EXOC5: variants seen among roughly 807,000 people sequenced by gnomAD.
The protein encoded by EXOC5 is SEC10-like 1.
A neutral mutation model predicts 90.8 loss-of-function variants in EXOC5; 17 were observed. That is an observed-to-expected ratio of 0.19 (90% confidence interval 0.13 to 0.28). The LOEUF (loss-of-function observed/expected upper bound fraction) is 0.28. Ranked by LOEUF, EXOC5 falls within the 10% of genes least tolerant of loss-of-function variation. The probability of loss-of-function intolerance (pLI) is 1.00; values close to 1 mark genes in which losing one functional copy is unlikely to be tolerated. For missense variants in EXOC5, 569 were observed against 830.6 expected, an observed-to-expected ratio of 0.69 and a Z score of 3.87; for synonymous variants, 260 against 270.0, an observed-to-expected ratio of 0.96 and a Z score of 0.36.
chr14:57,248,605 C>A (rs1173330103), intron 1 of EXOC5, among the ~76,000 whole-genome samples: 1 of 152,028 alleles, frequency 6.6e-6, no homozygotes, highest in African/African-American at 2.4e-5. Flanking sequence ...ACAGATAATA[C>A]ATTTTTTAGA....
intron 12 of EXOC5, among the ~76,000 whole-genome samples, chr14:57,229,270 A>C (rs1883404391): frequency 6.6e-6 from 1 of 152,218 alleles, no homozygotes; most frequent in Non-Finnish European, 1.5e-5. Context: ...TACAAAAAAT[A>C]GTTGTTCCTA....
intron 1 of EXOC5, among the ~76,000 whole-genome samples, chr14:57,266,648 G>T (rs1884675766): frequency 6.6e-6 from 1 of 151,110 alleles, no homozygotes; most frequent in Non-Finnish European, 1.5e-5. Context: ...AATCTTACTG[G>T]CTACCATGTA....
chr14:57,234,157 G>A, intron 7 of EXOC5, 125 bp from the exon 8 acceptor site: 1 of 646,122 alleles, frequency 1.5e-6, no homozygotes. Flanking sequence ...AGCAACACCT[G>A]TTGGACTTAA....
intron 1 of EXOC5, among the ~76,000 whole-genome samples, chr14:57,250,171 C>T (rs528580072): frequency 1.3e-5 from 2 of 152,104 alleles, no homozygotes; most frequent in South Asian, 2.1e-4. Context: ...AAGCCATCTG[C>T]GGGAGGTAGA....
chr14:57,208,599 A>G lies in EXOC5; in HGVS notation c.*10T>C, dbSNP rs1415233594. 1.3e-6 allele frequency: 2 copies of G among 1,584,856 alleles called. No individual in the cohort carries two copies. Among genetic ancestry groups the G allele is most frequent in the Non-Finnish European group, 1.7e-6 (2 of 1,157,716 alleles). Reference sequence around the variant, plus strand: ...AGGAACTGACACTGAATTCCTTTGTAAATTCAATCTCAGCTGAAGTGTCGA... The same window carrying G: ...AGGAACTGACACTGAATTCCTTTGTGAATTCAATCTCAGCTGAAGTGTCGA... On this transcript the variant is annotated 3_prime_UTR_variant, in exon 18 of 18. Transcript: ENST00000621441.
intron 12 of EXOC5, among the ~76,000 whole-genome samples, chr14:57,228,816 T>C (rs1022334774): frequency 6.9e-6 from 1 of 145,248 alleles, no homozygotes; most frequent in Non-Finnish European, 1.5e-5. Flanking sequence ...GTAACAAACC[T>C]GCATGCTCTG....
intron 5 of EXOC5, 94 bp downstream of exon 5, chr14:57,239,497 TTTAA>T (rs1052081962): frequency 5.4e-6 from 4 of 734,494 alleles, no homozygotes; most frequent in African/African-American, 1.8e-5. Flanking sequence ...TAAATTTCCG[TTTAA>T]TTAATGGGCA....
At chr14:57,238,010 A>C (rs987369632) in intron 5 of EXOC5, among the ~76,000 whole-genome samples, 3 of 152,008 alleles carry the variant, frequency 2.0e-5, no homozygotes, top group Non-Finnish European at 4.4e-5. Context: ...ATGAAAAAGA[A>C]ATATTTTAAG....
intron 12 of EXOC5, among the ~76,000 whole-genome samples, chr14:57,222,748 T>TACACAC (rs1160922472): frequency 2.0e-5 from 3 of 147,104 alleles, no homozygotes; most frequent in African/African-American, 7.7e-5. Context: ...CATATATATA[T>TACACAC]ACACACACAC....
Position 57,246,862 on chromosome 14 carries a change from A to G in EXOC5, c.123-4T>C. 6.5e-7 allele frequency: 1 copy of G among 1,548,934 alleles called. No homozygotes were observed. ...ATTTACAAATTCTTCTAATAATCTA[A>G]CAGAGGAAAGTTTGAATATGTATCA... On this transcript the variant is annotated splice_region_variant and splice_polypyrimidine_tract_variant and intron_variant, in intron 2 of 17. Coordinates refer to ENST00000621441, the MANE Select transcript of EXOC5 (RefSeq NM_006544.4).
chr14:57,227,959 C>T (rs1233166951), intron 12 of EXOC5, among the ~76,000 whole-genome samples: 135 of 151,264 alleles, frequency 8.9e-4, no homozygotes, highest in African/African-American at 3.1e-3. Flanking sequence ...CACACACACA[C>T]ACACACACAC....
At chr14:57,214,801 C>T (rs1192222114) in intron 15 of EXOC5, among the ~76,000 whole-genome samples, 1 of 152,044 alleles carries the variant, frequency 6.6e-6, no homozygotes, top group Non-Finnish European at 1.5e-5. Context: ...GATATAAGCA[C>T]AATAACTAAA....
chr14:57,253,508 T>A (rs1405301086), intron 1 of EXOC5, among the ~76,000 whole-genome samples: 1 of 152,186 alleles, frequency 6.6e-6, no homozygotes, highest in Admixed American at 6.5e-5. Flanking sequence ...AATATCCCAA[T>A]GACTTTGTTT....
chr14:57,249,781 AT>A (rs535121887), intron 1 of EXOC5, among the ~76,000 whole-genome samples: 34 of 152,034 alleles, frequency 2.2e-4, no homozygotes, highest in Admixed American at 1.8e-3. Flanking sequence ...TTACTTATTT[AT>A]TTTTTTGAGA....
At chr14:57,227,897 C>G (rs1185847646) in intron 12 of EXOC5, among the ~76,000 whole-genome samples, 1 of 151,424 alleles carries the variant, frequency 6.6e-6, no homozygotes, top group African/African-American at 2.4e-5. Flanking sequence ...AAACTAACAA[C>G]CTCACAGGGT....
rs1309856761 is a variant in EXOC5, at chr14:57,238,312, C to T, written c.531-946G>A. On this transcript the variant is annotated intron_variant, in intron 5 of 17. Transcript: ENST00000621441. ...TCTTATGGTTTTGTTTTGGCCTCTT[C>T]ACCAAGCCTTGGAGTTGAATATATA... 7.6e-5 allele frequency among the ~76,000 whole-genome samples: 10 copies of T among 131,900 alleles called. No homozygotes were observed. In the East Asian group the frequency reaches 2.0e-3, roughly 26 times the overall value. 86.5% of individuals were successfully genotyped at this position (131,900 alleles called of 152,430 possible). A position where few individuals can be genotyped will look rare whatever the true frequency, so the allele number is the denominator to read the frequency against.
intron 4 of EXOC5, among the ~76,000 whole-genome samples, chr14:57,241,148 C>G (rs950783098): frequency 6.6e-6 from 1 of 152,164 alleles, no homozygotes; most frequent in African/African-American, 2.4e-5. Context: ...GACACCACGC[C>G]CTGCCCAATA....
chr14:57,253,541 G>A (rs976200729), intron 1 of EXOC5, among the ~76,000 whole-genome samples: 6 of 152,016 alleles, frequency 3.9e-5, no homozygotes, highest in African/African-American at 9.7e-5. Context: ...GACAAACCCC[G>A]AAGAGCACAA....
rs1432747539 is a variant in EXOC5, at chr14:57,203,780, T to C, written c.*4829A>G. ...TCTCTTAAACACAGTAATATAAATA[T>C]TAGTATCTTGGCTAAAATGAATTAT... On this transcript the variant is annotated 3_prime_UTR_variant, in exon 18 of 18. Transcript: ENST00000621441. 1 of 152,584 alleles carries C rather than the reference T, an allele frequency of 6.6e-6. No homozygotes were observed. Among genetic ancestry groups the C allele is most frequent in the Non-Finnish European group, 1.5e-5 (1 of 68,018 alleles). 9.5% of individuals were successfully genotyped at this position (152,584 alleles called of 1,614,324 possible). A position where few individuals can be genotyped will look rare whatever the true frequency, so the allele number is the denominator to read the frequency against.
Sources: gnomAD v4.1 joint callset for allele counts (sites outside exome capture counted in the v4.1 genomes callset) on GRCh38, gnomAD v4.1.1 for gene constraint, MANE v1.5 for transcripts, NCBI Gene and HGNC (gene_info 2026-07-23, HGNC 2026-07-21) for gene names.